The following CCDC175 variants were observed in gnomAD, a reference collection of about 807,000 sequenced individuals.
CCDC175 encodes the protein coiled-coil domain-containing protein 175.
A neutral mutation model predicts 114.6 loss-of-function variants in CCDC175; 100 were observed. That is an observed-to-expected ratio of 0.87 (90% CI 0.74 to 1.03). CCDC175 has a LOEUF of 1.03. Ranked by LOEUF, CCDC175 falls within the 50% of genes least tolerant of loss-of-function variation. CCDC175 has a pLI of 0.00. For synonymous variants in CCDC175, 306 were observed against 308.7 expected, an observed-to-expected ratio of 0.99 and a Z score of 0.09; for missense variants, 880 against 917.8, an observed-to-expected ratio of 0.96 and a Z score of 0.53.
intron 7 of CCDC175, among the ~76,000 whole-genome samples, chr14:59,551,706 T>C (rs1255494315): frequency 2.0e-5 from 3 of 152,180 alleles, no homozygotes; most frequent in Non-Finnish European, 4.4e-5. Context: ...GGTAAGGGAA[T>C]TCCCTTTCCT....
At chr14:59,520,753 A>G (rs1893384217) in intron 17 of CCDC175, among the ~76,000 whole-genome samples, 2 of 152,212 alleles carry the variant, frequency 1.3e-5, no homozygotes, top group African/African-American at 4.8e-5. Flanking sequence ...CCAGGTATAA[A>G]AGTGTGCACC....
chr14:59,514,995 G>C (rs1412361467), intron 17 of CCDC175, among the ~76,000 whole-genome samples: 3 of 152,330 alleles, frequency 2.0e-5, no homozygotes, highest in African/African-American at 2.4e-5. Context: ...AGCCAGAAGA[G>C]AGTGGGGGCC....
intron 17 of CCDC175, among the ~76,000 whole-genome samples, chr14:59,517,433 C>G (rs1218842348): frequency 3.3e-5 from 5 of 152,172 alleles, no homozygotes; most frequent in East Asian, 3.8e-4. Flanking sequence ...ATTGTCTCAG[C>G]CCAAAATCTC....
intron 19 of CCDC175, among the ~76,000 whole-genome samples, chr14:59,506,480 G>A (rs967626229): frequency 6.6e-6 from 1 of 151,902 alleles, no homozygotes; most frequent in African/African-American, 2.4e-5. Context: ...TAGAAATGGG[G>A]TTTCACCCTG....
intron 14 of CCDC175, among the ~76,000 whole-genome samples, chr14:59,530,517 G>A (rs993062551): frequency 1.3e-5 from 2 of 151,940 alleles, no homozygotes; most frequent in Admixed American, 6.6e-5. Context: ...AGAGACATAT[G>A]TATTGTAAGT....
At chr14:59,539,095 G>A (rs1040700098) in intron 11 of CCDC175, among the ~76,000 whole-genome samples, 1 of 152,184 alleles carries the variant, frequency 6.6e-6, no homozygotes. Flanking sequence ...ACACCTGGCA[G>A]CTTGCCTCCT....
intron 4 of CCDC175, among the ~76,000 whole-genome samples, chr14:59,566,008 C>G (rs990390822): frequency 2.6e-5 from 4 of 152,198 alleles, no homozygotes; most frequent in Non-Finnish European, 5.9e-5. Context: ...ACATCTCCAG[C>G]CACCCTGGAT....
At chr14:59,559,087 C>T (rs898878305) in intron 7 of CCDC175, among the ~76,000 whole-genome samples, 9 of 152,100 alleles carry the variant, frequency 5.9e-5, no homozygotes, top group Non-Finnish European at 1.2e-4. Flanking sequence ...CATTAGTAAC[C>T]GTGGCAATTC....
intron 8 of CCDC175, among the ~76,000 whole-genome samples, chr14:59,546,183 G>A (rs1402795111): frequency 6.6e-6 from 1 of 152,308 alleles, no homozygotes; most frequent in Admixed American, 6.5e-5. Flanking sequence ...GGTGCACCTA[G>A]AGGCCATTAT....
intron 7 of CCDC175, among the ~76,000 whole-genome samples, chr14:59,554,583 A>G (rs1431750826): frequency 1.3e-5 from 2 of 152,348 alleles, no homozygotes; most frequent in Non-Finnish European, 2.9e-5. Context: ...AACACATTCA[A>G]AAGCTAGCAG....
Position 59,565,155 on chromosome 14 carries a change from CAAGTTT to C in CCDC175, c.606_611del (p.Ile202_Leu204delinsMet). The C allele has an allele frequency of 6.5e-7, 1 of 1,537,842 alleles. No homozygotes were observed. Among genetic ancestry groups the C allele is most frequent in the Non-Finnish European group, 8.7e-7 (1 of 1,147,022 alleles). Reference sequence around the variant, plus strand: ...TTTGCAATGCTATGTCTTCTCTCTTCAAGTTTATTTTGGTATAAGTCTCATTTATGT... The same window carrying C: ...TTTGCAATGCTATGTCTTCTCTCTTCATTTTGGTATAAGTCTCATTTATGT... On this transcript the variant is annotated inframe_deletion, in exon 5 of 20. Transcript: ENST00000537690.
intron 17 of CCDC175, among the ~76,000 whole-genome samples, chr14:59,512,805 GGTGT>G (rs140076678): frequency 0.3 from 42,954 of 144,174 alleles, 6,801 homozygotes; most frequent in Non-Finnish European, 0.35. Context: ...TCTCAGCAGG[GGTGT>G]GTGTGTGTGT....
At chr14:59,538,228 T>TTAA (rs1415233105) in intron 12 of CCDC175, 74 bp from the exon 13 acceptor site, 2 of 1,258,806 alleles carry the variant, frequency 1.6e-6, no homozygotes, top group East Asian at 5.6e-5. Flanking sequence ...AGCCAGGAAA[T>TTAA]TAATATCTCT....
intron 3 of CCDC175, among the ~76,000 whole-genome samples, chr14:59,571,951 T>G (rs755538013): frequency 6.6e-6 from 1 of 152,170 alleles, no homozygotes; most frequent in Non-Finnish European, 1.5e-5. Flanking sequence ...ACCCCAAACC[T>G]TTTGAGCACC....
chr14:59,507,494 A>C (rs1156408339), intron 19 of CCDC175, among the ~76,000 whole-genome samples: 2 of 152,220 alleles, frequency 1.3e-5, no homozygotes, highest in Admixed American at 6.5e-5. Context: ...TGGAGAGGGC[A>C]GGACCTGCAG....
intron 11 of CCDC175, 118 bp from the exon 12 acceptor site, chr14:59,538,958 A>T (rs560691635): frequency 1.1e-6 from 1 of 876,906 alleles, no homozygotes; most frequent in South Asian, 1.9e-5. Context: ...TTGTGCTATT[A>T]GTGTTGCAGA....
In CCDC175 at chr14:59,561,125, G is replaced by T. The variant is rs570823198; in HGVS notation, c.947C>A (p.Ala316Glu). The T allele has an allele frequency of 5.6e-5, 84 of 1,504,404 alleles. No homozygotes were observed. The African/African-American group carries it at 9.7e-4, about 17-fold the overall frequency. The allele number at this position is 1,504,404 out of a possible 1,614,324, so 93.2% of individuals were successfully genotyped here. The change falls in exon 7 of 20, where the codon GCG (alanine) becomes GAG (glutamate). Residue 316 changes from alanine (A) to glutamate (E), a missense_variant. Coordinates refer to ENST00000537690, the MANE Select transcript of CCDC175 (RefSeq NM_001164399.2). ...AATAAAGCATTACACTTACAGTTTC[G>T]CCTCCAGAATTGCAAGGTCTTTCTT... ...ELKKDLAILE[A>E]KLCFFTDNKE...
At chr14:59,552,798 T>C (rs1187826795) in intron 7 of CCDC175, among the ~76,000 whole-genome samples, 4 of 152,202 alleles carry the variant, frequency 2.6e-5, no homozygotes, top group East Asian at 1.9e-4. Flanking sequence ...AAAACCATGG[T>C]ACGTGAACTA....
At chr14:59,509,113 C>G (rs1892610873) in intron 19 of CCDC175, among the ~76,000 whole-genome samples, 1 of 152,156 alleles carries the variant, frequency 6.6e-6, no homozygotes, top group South Asian at 2.1e-4. Context: ...GTGAAACTTT[C>G]TCTAAGAGTC....
Sources: gnomAD v4.1 joint callset for allele counts (sites outside exome capture counted in the v4.1 genomes callset) on GRCh38, gnomAD v4.1.1 for gene constraint, MANE v1.5 for transcripts, NCBI Gene and HGNC (gene_info 2026-07-23, HGNC 2026-07-21) for gene names.